PLCL1: variants seen among roughly 807,000 people sequenced by gnomAD.
The protein encoded by PLCL1 is phospholipase C like 1 (inactive), also known as inactive phospholipase C-like protein 1.
A neutral mutation model predicts 84.4 loss-of-function variants in PLCL1; 41 were observed. The observed-to-expected ratio is 0.49, with a 90% confidence interval of 0.38 to 0.63. PLCL1 has a LOEUF of 0.63. PLCL1 is among the 30% of genes least tolerant of loss of function. The pLI is 0.00. For missense variants in PLCL1, 1,206 were observed against 1,367.8 expected (o/e 0.88, Z 1.87); for synonymous variants, 490 against 488.3 (o/e 1.00, Z -0.05).
At chr2:197,967,729 C>T (rs1046142457) in intron 1 of PLCL1, among the ~76,000 whole-genome samples, 16 of 152,146 alleles carry the variant, frequency 1.1e-4, no homozygotes, top group African/African-American at 3.6e-4. Context: ...CATATTCTCT[C>T]TTAGTTTATT....
chr2:198,084,328 C>G lies in PLCL1; in HGVS notation c.811C>G (p.Leu271Val). The G allele has an allele frequency of 5.6e-6, 9 of 1,614,006 alleles. No individual in the cohort carries two copies. Among genetic ancestry groups the G allele is most frequent in the Non-Finnish European group, 7.6e-6 (9 of 1,179,892 alleles). Residue 271 changes from leucine to valine, a missense_variant, in exon 2 of 6, where the codon CTC becomes GTC. Transcript: ENST00000428675. The stretch of plus-strand genomic sequence containing the variant: ...CACCTCTGTAGAGTTAATAAAACAA[C>G]TCAACCCTACTCTGAAGGAAGCCAA... ...EDTSVELIKQ[L>V]NPTLKEAKIR...
chr2:197,832,071 C>A (rs1046005767), intron 1 of PLCL1, among the ~76,000 whole-genome samples: 2 of 152,106 alleles, frequency 1.3e-5, no homozygotes, highest in Non-Finnish European at 2.9e-5. Context: ...CTAAAATCGA[C>A]ACCCCAGCAT....
chr2:197,896,099 T>C (rs1688128668), intron 1 of PLCL1, among the ~76,000 whole-genome samples: 2 of 151,994 alleles, frequency 1.3e-5, no homozygotes, highest in South Asian at 4.1e-4. Flanking sequence ...AACCTGTAAC[T>C]TTGACCTAGT....
At chr2:198,059,272 T>A (rs1692138019) in intron 1 of PLCL1, among the ~76,000 whole-genome samples, 1 of 152,166 alleles carries the variant, frequency 6.6e-6, no homozygotes, top group South Asian at 2.1e-4. Context: ...GATTTGTGAG[T>A]TGATACATAT....
At chr2:197,854,382 C>T (rs1359908245) in intron 1 of PLCL1, among the ~76,000 whole-genome samples, 10 of 152,136 alleles carry the variant, frequency 6.6e-5, no homozygotes, top group Non-Finnish European at 1.2e-4. Context: ...TCAGCCTCAT[C>T]TCTAGGAGAT....
In PLCL1 at chr2:197,828,449, T is replaced by C. The variant is rs1327993202; in HGVS notation, c.240+23110T>C. ...TTTTGATTTTTTGCTAATTCATATA[T>C]CTATATTAGATTACAGAATTGTTAT... On this transcript the variant is annotated intron_variant, in intron 1 of 5. Coordinates refer to ENST00000428675, the MANE Select transcript of PLCL1 (RefSeq NM_006226.4). 2.6e-5 allele frequency among the ~76,000 whole-genome samples: 4 copies of C among 152,134 alleles called. No individual in the cohort carries two copies. In the East Asian group the frequency reaches 7.7e-4, roughly 29 times the overall value.
At chr2:198,018,563 ACTGAGG>A (rs1394393674) in intron 1 of PLCL1, among the ~76,000 whole-genome samples, 1 of 152,184 alleles carries the variant, frequency 6.6e-6, no homozygotes, top group Non-Finnish European at 1.5e-5. Flanking sequence ...GTCTACCATT[ACTGAGG>A]CTTGAGTAGG....
intron 1 of PLCL1, among the ~76,000 whole-genome samples, chr2:198,046,745 G>A (rs1320769306): frequency 2.0e-5 from 3 of 152,198 alleles, no homozygotes; most frequent in South Asian, 2.1e-4. Context: ...AGGCTGAGGT[G>A]AGAGAATCAT....
At chr2:197,866,204 T>C (rs1687539946) in intron 1 of PLCL1, among the ~76,000 whole-genome samples, 1 of 133,236 alleles carries the variant, frequency 7.5e-6, no homozygotes, top group Non-Finnish European at 1.6e-5. Flanking sequence ...TATATATATA[T>C]ATATAGTTAG....
chr2:198,130,438 T>G lies in PLCL1; in HGVS notation c.3106-16342T>G, dbSNP rs1694093184. On this transcript the variant is annotated intron_variant, in intron 5 of 5. Transcript: ENST00000428675. ...CAAAGGGTTTTGATTATCTTCACCA[T>G]GCTGTCAAATCTCAAGTGTGTATTT... is the stretch of plus-strand genomic sequence containing the variant. Among the ~76,000 whole-genome samples, 2 of 152,174 alleles carry G rather than the reference T, an allele frequency of 1.3e-5. 1 individual carries two copies. The highest frequency in any genetic ancestry group is 2.9e-5 in the Non-Finnish European group (2 of 68,030).
At position 198,083,364 on chromosome 2, in the gene PLCL1, G is replaced by A. The variant is rs182916541; in HGVS notation, c.241-394G>A. Among the ~76,000 whole-genome samples the A allele has an allele frequency of 6.8e-4, 104 of 152,224 alleles. 3 individuals carry two copies. The South Asian group carries it at 0.013, about 20-fold the overall frequency. On this transcript the variant is annotated intron_variant, in intron 1 of 5. Coordinates refer to ENST00000428675, the MANE Select transcript of PLCL1 (RefSeq NM_006226.4). ...AATCAACTTTAAGAAAACCTCTTTA[G>A]AAAGTTGCAGAGTATAAATGAGGAA...
chr2:198,024,246 A>G (rs1216431641), intron 1 of PLCL1, among the ~76,000 whole-genome samples: 2 of 152,074 alleles, frequency 1.3e-5, no homozygotes, highest in Non-Finnish European at 2.9e-5. Flanking sequence ...AGGGCCTATC[A>G]GGGGTTGGCA....
chr2:198,041,577 T>C (rs1308709027), intron 1 of PLCL1, among the ~76,000 whole-genome samples: 1 of 152,148 alleles, frequency 6.6e-6, no homozygotes, highest in Non-Finnish European at 1.5e-5. Flanking sequence ...GGTTACAGTG[T>C]TTGTGGAGAA....
chr2:197,893,483 G>T (rs1009674450), intron 1 of PLCL1, among the ~76,000 whole-genome samples: 1 of 152,172 alleles, frequency 6.6e-6, no homozygotes, highest in Non-Finnish European at 1.5e-5. Flanking sequence ...GCACGTTAGG[G>T]TTTATTCAAA....
chr2:198,090,805 A>G (rs578167422), intron 3 of PLCL1, among the ~76,000 whole-genome samples: 1 of 152,332 alleles, frequency 6.6e-6, no homozygotes, highest in South Asian at 2.1e-4. Flanking sequence ...AGCTAAGAAA[A>G]AGAAATCATT....
intron 4 of PLCL1, among the ~76,000 whole-genome samples, chr2:198,102,328 C>G (rs867052800): frequency 9.9e-5 from 15 of 152,012 alleles, no homozygotes; most frequent in African/African-American, 3.6e-4. Flanking sequence ...ACATGTCACC[C>G]GTGAGGAAAC....
intron 1 of PLCL1, among the ~76,000 whole-genome samples, chr2:197,841,062 G>C (rs1035112562): frequency 1.3e-5 from 2 of 152,106 alleles, no homozygotes; most frequent in African/African-American, 4.8e-5. Context: ...GAAAATTTGA[G>C]CAGAAAGTAC....
intron 5 of PLCL1, among the ~76,000 whole-genome samples, chr2:198,140,698 A>C (rs971857638): frequency 6.6e-6 from 1 of 152,254 alleles, no homozygotes; most frequent in South Asian, 2.1e-4. Context: ...CTTATTAAAC[A>C]TGTCATCTGC....
At chr2:197,813,897 G>T (rs187248481) in intron 1 of PLCL1, among the ~76,000 whole-genome samples, 20 of 152,220 alleles carry the variant, frequency 1.3e-4, no homozygotes, top group Non-Finnish European at 1.5e-5. Flanking sequence ...AAGCTTAGCT[G>T]GTGTGGATAA....
Sources: gnomAD v4.1 joint callset for allele counts (sites outside exome capture counted in the v4.1 genomes callset) on GRCh38, gnomAD v4.1.1 for gene constraint, MANE v1.5 for transcripts, NCBI Gene and HGNC (gene_info 2026-07-23, HGNC 2026-07-21) for gene names.